Variants in PSME4 observed in about 807,000 individuals in gnomAD.
PSME4 encodes proteasome activator subunit 4.
A neutral mutation model predicts 253.9 loss-of-function variants in PSME4; 89 were observed. That is an observed-to-expected ratio of 0.35 (90% CI 0.30 to 0.42). The LOEUF is 0.42. Among genes scored for constraint, PSME4 ranks in the 10% least tolerant of loss-of-function variants. The pLI is 1.00. For synonymous variants in PSME4, 851 were observed against 759.2 expected (o/e 1.12, Z -1.99); for missense variants, 2,014 against 2,195.2 (o/e 0.92, Z 1.65).
At chr2:53,954,349 A>C (rs1055977559) in intron 1 of PSME4, among the ~76,000 whole-genome samples, 2 of 151,746 alleles carry the variant, frequency 1.3e-5, no homozygotes, top group Non-Finnish European at 2.9e-5. Context: ...GAAAGAAAGA[A>C]AGACAGTGGG....
intron 7 of PSME4, among the ~76,000 whole-genome samples, chr2:53,935,284 G>A (rs1023970007): frequency 1.3e-5 from 2 of 152,024 alleles, no homozygotes; most frequent in East Asian, 1.9e-4. Context: ...AATAGGTAGC[G>A]GCCCAAAGGT....
rs1436831097 is a variant in PSME4, at chr2:53,865,120, T to C, written c.*458A>G. The C allele has an allele frequency of 1.3e-5, 2 of 152,618 alleles. No homozygotes were observed. The highest frequency in any genetic ancestry group is 2.9e-5 in the Non-Finnish European group (2 of 68,038). The allele number at this position is 152,618 out of a possible 1,614,324, so 9.5% of individuals were successfully genotyped here. ...TCTCCAGACCCAAGGTTCTCAAGGC[T>C]TCAGATTTATGGCCCACAGCCCCTA... is the stretch of plus-strand genomic sequence containing the variant. On this transcript the variant is annotated 3_prime_UTR_variant, in exon 47 of 47. Transcript: ENST00000404125.
Position 53,908,560 on chromosome 2 carries a change from T to A in PSME4, c.2635A>T (p.Ile879Leu). Residue 879 changes from isoleucine to leucine, a missense_variant, in exon 23 of 47, where the codon ATA becomes TTA. By Grantham distance (5) the Ile-to-Leu change is conservative. Around this residue, in one of 4 missense-constraint regions of PSME4, gnomAD observed 989 missense variants for 1,021.1 expected, o/e 0.97. Transcript: ENST00000404125. Reference sequence around the variant, plus strand: ...GTATCATCTTCTGAATTATCAAGTATGTGGTCTATAATGGAAGAAAGAAAA... The same window carrying A: ...GTATCATCTTCTGAATTATCAAGTAAGTGGTCTATAATGGAAGAAAGAAAA... ...ATVIRKLLNH[I>L]LDNSEDDTKS... 4 of 1,605,224 alleles carry A rather than the reference T, an allele frequency of 2.5e-6. No homozygotes were observed. Among genetic ancestry groups the A allele is most frequent in the Non-Finnish European group, 3.4e-6 (4 of 1,176,314 alleles).
chr2:53,890,212 C>G lies in PSME4; in HGVS notation c.4192-4G>C. The G allele has an allele frequency of 1.2e-6, 2 of 1,601,162 alleles. No homozygotes were observed. The highest frequency in any genetic ancestry group is 3.4e-5 in the Admixed American group (2 of 58,342). On this transcript the variant is annotated splice_polypyrimidine_tract_variant and splice_region_variant and intron_variant, in intron 36 of 46. Coordinates refer to ENST00000404125, the MANE Select transcript of PSME4 (RefSeq NM_014614.3). ...GAAGCTCCCAAAGCTTCTCCACCTA[C>G]TCAAAACAAAATATATGGGTAAGAG...
chr2:53,879,217 CACAA>C (rs1679268999), intron 41 of PSME4, among the ~76,000 whole-genome samples: 1 of 151,612 alleles, frequency 6.6e-6, no homozygotes, highest in South Asian at 2.1e-4. Context: ...GAAATGTCTA[CACAA>C]AGATCTACAT....
At position 53,874,319 on chromosome 2, in the gene PSME4, T is replaced by C. The variant is rs184796943; in HGVS notation, c.5100+20A>G. ...TCTTTAAATTGACTGAATTTCCGTT[T>C]TCTATAACTTAAATTTTACCTCCAG... On this transcript the variant is annotated intron_variant, in intron 43 of 46. Transcript: ENST00000404125. 2.5e-6 allele frequency: 4 copies of C among 1,597,818 alleles called. No homozygotes were observed. Among genetic ancestry groups the C allele is most frequent in the African/African-American group, 2.7e-5 (2 of 73,752 alleles).
In PSME4 at chr2:53,934,368, T is replaced by C. The variant is rs147190860; in HGVS notation, c.957+237A>G. On this transcript the variant is annotated intron_variant, in intron 8 of 46. Coordinates refer to ENST00000404125, the MANE Select transcript of PSME4 (RefSeq NM_014614.3). ...CAGTAAAAATGTTAGACATCGTGAA[T>C]CCCTCAAAACCCTAGATTTTTGACT... 1.8e-4 allele frequency among the ~76,000 whole-genome samples: 28 copies of C among 152,314 alleles called. No individual in the cohort carries two copies. In the East Asian group the frequency reaches 4.6e-3, roughly 25 times the overall value.
At chr2:53,929,276 T>A (rs1235994243) in intron 10 of PSME4, among the ~76,000 whole-genome samples, 1 of 152,060 alleles carries the variant, frequency 6.6e-6, no homozygotes, top group Non-Finnish European at 1.5e-5. Context: ...TTACAGATAC[T>A]CTACTCTTTC....
chr2:53,964,337 T>G (rs1025767050), intron 1 of PSME4, among the ~76,000 whole-genome samples: 103 of 152,342 alleles, frequency 6.8e-4, no homozygotes, highest in African/African-American at 2.4e-3. Flanking sequence ...AATAAAATTT[T>G]TGAAAAAATC....
intron 9 of PSME4, among the ~76,000 whole-genome samples, 187 bp from the exon 10 acceptor site, chr2:53,932,287 A>T (rs1668868590): frequency 6.6e-6 from 1 of 152,222 alleles, no homozygotes; most frequent in African/African-American, 2.4e-5. Context: ...ATAATTAATG[A>T]AAATGAGTTT....
chr2:53,970,480 A>G, intron 1 of PSME4, 63 bp downstream of exon 1: 2 of 1,545,376 alleles, frequency 1.3e-6, no homozygotes, highest in Middle Eastern at 2.3e-4. Flanking sequence ...AAGAGCAACC[A>G]TCCCCGACAC....
At chr2:53,866,349 A>C (rs1678563623) in intron 45 of PSME4, 126 bp from the exon 46 acceptor site, 1 of 1,032,626 alleles carries the variant, frequency 9.7e-7, no homozygotes. Context: ...GTTCTACAAA[A>C]CCAAAAAGCC....
At chr2:53,921,173 G>T in intron 17 of PSME4, 69 bp from the exon 18 acceptor site, 1 of 1,594,074 alleles carries the variant, frequency 6.3e-7, no homozygotes. Flanking sequence ...TTAATGCAAA[G>T]TTCAATGTTT....
intron 36 of PSME4, among the ~76,000 whole-genome samples, chr2:53,892,152 T>C (rs1399133221): frequency 6.6e-6 from 1 of 152,220 alleles, no homozygotes; most frequent in Non-Finnish European, 1.5e-5. Flanking sequence ...TTGTTTCTTG[T>C]AGGCAAAAGT....
chr2:53,970,502 C>T, intron 1 of PSME4, 41 bp downstream of exon 1: 1 of 1,547,752 alleles, frequency 6.5e-7, no homozygotes, highest in South Asian at 1.2e-5. Context: ...TCTCACTGAG[C>T]CTTTCCCCCC....
chr2:53,963,824 TG>T (rs1207890908), intron 1 of PSME4, among the ~76,000 whole-genome samples: 1 of 152,194 alleles, frequency 6.6e-6, no homozygotes, highest in Non-Finnish European at 1.5e-5. Context: ...ATAATAGTAT[TG>T]GTATTGCTTT....
Position 53,873,502 on chromosome 2 carries a change from C to T in PSME4, c.5100+837G>A, listed in dbSNP as rs144786753. 2.8e-3 allele frequency among the ~76,000 whole-genome samples: 421 copies of T among 152,268 alleles called. 3 individuals are homozygous for T. Among genetic ancestry groups the T allele is most frequent in the African/African-American group, 9.5e-3 (394 of 41,536 alleles). ...ACCAAAAATTCCATTACATTTTCTT[C>T]CTTAATGCCAACTTAAAAAGTAGTA... On this transcript the variant is annotated intron_variant, in intron 43 of 46. Transcript: ENST00000404125.
At chr2:53,953,300 T>C (rs1385807913) in intron 1 of PSME4, among the ~76,000 whole-genome samples, 2 of 151,930 alleles carry the variant, frequency 1.3e-5, no homozygotes, top group Non-Finnish European at 1.5e-5. Flanking sequence ...CAGAAATACA[T>C]ATATTTGACA....
intron 1 of PSME4, among the ~76,000 whole-genome samples, chr2:53,960,078 C>G (rs1670412653): frequency 1.3e-5 from 2 of 152,136 alleles, no homozygotes; most frequent in Admixed American, 1.3e-4. Context: ...AACCTGAGGT[C>G]AAAATAATCT....
Sources: gnomAD v4.1 joint callset for allele counts (sites outside exome capture counted in the v4.1 genomes callset) on GRCh38, gnomAD v4.1.1 for gene constraint, gnomAD v4.1.1 regional missense constraint, MANE v1.5 for transcripts, NCBI Gene and HGNC (gene_info 2026-07-23, HGNC 2026-07-21) for gene names.